Variants in LPAR1 observed in about 807,000 individuals in gnomAD.
LPAR1 encodes the protein LPA receptor 1.
Under a neutral mutation model 23.8 loss-of-function variants are expected in LPAR1, and 5 were observed. That is an observed-to-expected ratio of 0.21 (90% CI 0.11 to 0.44). The LOEUF (loss-of-function observed/expected upper bound fraction) is 0.44. Ranked by LOEUF, LPAR1 falls within the 20% of genes least tolerant of loss-of-function variation. The pLI is 0.99. For synonymous variants in LPAR1, 160 were observed against 164.7 expected (o/e 0.97, Z 0.22); for missense variants, 311 against 482.8 (o/e 0.64, Z 3.33).
In LPAR1 at chr9:110,875,413, T is replaced by G; in HGVS notation, c.*8A>C. On this transcript the variant is annotated 3_prime_UTR_variant, in exon 6 of 6. Coordinates refer to ENST00000683809, the MANE Select transcript of LPAR1 (RefSeq NM_001351411.2). ...GAGGACGGCTGGTTCCTCATCTCAG[T>G]TTCCGTTCTAAACCACAGAGTGGTC... 6.3e-7 allele frequency: 1 copy of G among 1,599,966 alleles called. No homozygotes were observed. Among genetic ancestry groups the G allele is most frequent in the African/African-American group, 1.3e-5 (1 of 74,728 alleles).
chr9:110,903,178 C>T (rs906513144), intron 5 of LPAR1, among the ~76,000 whole-genome samples: 5 of 152,126 alleles, frequency 3.3e-5, no homozygotes, highest in African/African-American at 9.7e-5. Flanking sequence ...TGACAACTGA[C>T]ACTAACCCAG....
chr9:110,983,486 G>T (rs1434964116), intron 2 of LPAR1, among the ~76,000 whole-genome samples: 1 of 152,048 alleles, frequency 6.6e-6, no homozygotes, highest in Non-Finnish European at 1.5e-5. Context: ...ACTTGCCAGG[G>T]ACTGGGGGAG....
chr9:110,949,069 C>T (rs756515390), intron 4 of LPAR1, among the ~76,000 whole-genome samples: 68 of 152,140 alleles, frequency 4.5e-4, no homozygotes, highest in Non-Finnish European at 8.8e-4. Flanking sequence ...ACTTAGACTA[C>T]CTGTCAAGTC....
At chr9:110,966,276 C>T (rs1433727574) in intron 4 of LPAR1, among the ~76,000 whole-genome samples, 1 of 152,034 alleles carries the variant, frequency 6.6e-6, no homozygotes, top group East Asian at 1.9e-4. Context: ...GTCAGGAGTT[C>T]AAGACCAGCC....
intron 2 of LPAR1, among the ~76,000 whole-genome samples, chr9:110,985,495 G>A (rs1475737955): frequency 2.6e-5 from 4 of 152,048 alleles, no homozygotes; most frequent in African/African-American, 7.2e-5. Context: ...TGCGCACACT[G>A]ACTGCAGAGA....
At chr9:111,021,222 C>T (rs551487831) in intron 2 of LPAR1, among the ~76,000 whole-genome samples, 63 of 152,142 alleles carry the variant, frequency 4.1e-4, no homozygotes, top group African/African-American at 1.5e-3. Context: ...AGCATGGTGA[C>T]GATACTTAAT....
At chr9:111,033,148 A>C (rs2097832369) in intron 2 of LPAR1, among the ~76,000 whole-genome samples, 5 of 152,208 alleles carry the variant, frequency 3.3e-5, no homozygotes, top group Admixed American at 1.3e-4. Flanking sequence ...TCTGGAAAAA[A>C]ATAATTACAA....
At chr9:111,025,376 G>A (rs532062777) in intron 2 of LPAR1, among the ~76,000 whole-genome samples, 26 of 152,092 alleles carry the variant, frequency 1.7e-4, no homozygotes, top group South Asian at 1.0e-3. Flanking sequence ...CATATCCTTC[G>A]CCCACGTTTT....
intron 4 of LPAR1, among the ~76,000 whole-genome samples, chr9:110,959,401 A>G (rs2095875509): frequency 6.6e-6 from 1 of 152,026 alleles, no homozygotes; most frequent in Non-Finnish European, 1.5e-5. Flanking sequence ...AAATTGCTTG[A>G]GCTTAGGAGT....
intron 4 of LPAR1, among the ~76,000 whole-genome samples, chr9:110,969,514 C>A: frequency 1.3e-5 from 2 of 152,012 alleles, no homozygotes; most frequent in East Asian, 3.9e-4. Flanking sequence ...GAGTTTGAGA[C>A]CAGCCTGGAC....
At chr9:111,030,000 C>G (rs1374442456) in intron 2 of LPAR1, among the ~76,000 whole-genome samples, 2 of 138,094 alleles carry the variant, frequency 1.4e-5, no homozygotes, top group East Asian at 4.3e-4. Flanking sequence ...GAGCCAAGAT[C>G]GTGCCATTGC....
At chr9:110,934,499 T>A (rs1221266992) in intron 5 of LPAR1, 1 of 151,684 alleles carries the variant, frequency 6.6e-6, no homozygotes, top group Non-Finnish European at 1.5e-5. Flanking sequence ...TCTACTTGAC[T>A]AGCCTTAAAA....
intron 2 of LPAR1, among the ~76,000 whole-genome samples, chr9:111,035,562 A>G (rs1043580249): frequency 6.6e-6 from 1 of 152,220 alleles, no homozygotes; most frequent in African/African-American, 2.4e-5. Flanking sequence ...ATATGTAAAA[A>G]TAAGAAACCA....
Position 111,024,535 on chromosome 9 carries a change from T to TGC in LPAR1, c.-182+11586_-182+11587insGC, listed in dbSNP as rs2141230694. Among the ~76,000 whole-genome samples the TGC allele has an allele frequency of 2.4e-5, 3 of 122,554 alleles. 1 individual carries two copies. Among genetic ancestry groups the TGC allele is most frequent in the African/African-American group, 8.9e-5 (3 of 33,710 alleles). 80.4% of individuals were successfully genotyped at this position (122,554 alleles called of 152,430 possible). ...ATATATATTTATATATATGGGAGTG[T>TGC]GTGTGTGTGTATATATATACACACA... On this transcript the variant is annotated intron_variant, in intron 2 of 5. Transcript: ENST00000683809.
chr9:111,012,768 G>T (rs2097358280), intron 2 of LPAR1, among the ~76,000 whole-genome samples: 1 of 152,028 alleles, frequency 6.6e-6, no homozygotes, highest in Non-Finnish European at 1.5e-5. Context: ...AAAAAACTAA[G>T]AAACTGTTCA....
At chr9:111,024,657 C>T (rs574805806) in intron 2 of LPAR1, among the ~76,000 whole-genome samples, 41 of 151,556 alleles carry the variant, frequency 2.7e-4, no homozygotes, top group African/African-American at 9.0e-4. Flanking sequence ...CCCATAAACT[C>T]GCCATCTACA....
At chr9:111,012,167 C>T (rs1264824425) in intron 2 of LPAR1, among the ~76,000 whole-genome samples, 4 of 152,164 alleles carry the variant, frequency 2.6e-5, no homozygotes, top group Non-Finnish European at 5.9e-5. Context: ...AAGAGAATTG[C>T]TTGAGCCTAG....
At chr9:110,927,898 A>G (rs566506608) in intron 5 of LPAR1, among the ~76,000 whole-genome samples, 6 of 152,128 alleles carry the variant, frequency 3.9e-5, no homozygotes, top group Admixed American at 2.6e-4. Flanking sequence ...TAACTGTGCT[A>G]TATGTTGAAG....
At chr9:110,930,164 T>C (rs1225698547) in intron 5 of LPAR1, among the ~76,000 whole-genome samples, 2 of 152,194 alleles carry the variant, frequency 1.3e-5, no homozygotes. Context: ...CTGAAACACA[T>C]ACACGTCACT....
Sources: allele counts gnomAD v4.1 joint callset (sites outside exome capture counted in the v4.1 genomes callset), GRCh38; gene constraint gnomAD v4.1.1; transcripts MANE v1.5; gene names NCBI Gene and HGNC (gene_info 2026-07-23, HGNC 2026-07-21).